The following PIEZO2 variants were observed in gnomAD, a reference collection of about 807,000 sequenced individuals.
The protein encoded by PIEZO2 is piezo type mechanosensitive ion channel component 2, also known as piezo-type mechanosensitive ion channel component 2.
A neutral mutation model predicts 337.3 loss-of-function variants in PIEZO2; 172 were observed. That is an observed-to-expected ratio of 0.51 (90% confidence interval 0.45 to 0.58). The LOEUF (loss-of-function observed/expected upper bound fraction) is 0.58, where lower values mean the gene tolerates loss of function less well. PIEZO2 is among the 20% of genes least tolerant of loss of function. The pLI, the probability that PIEZO2 is intolerant of heterozygous loss-of-function variation, is 0.00. For synonymous variants in PIEZO2, 1,251 were observed against 1,228.5 expected, an observed-to-expected ratio of 1.02 and a Z score of -0.38; for missense variants, 3,028 against 3,391.3, an observed-to-expected ratio of 0.89 and a Z score of 2.66.
chr18:10,858,321 CAAAAAAAAA>C (rs11361243), intron 5 of PIEZO2, among the ~76,000 whole-genome samples: 106 of 56,376 alleles, frequency 1.9e-3, no homozygotes, highest in Middle Eastern at 0.029. Flanking sequence ...GACTTCAACC[CAAAAAAAAA>C]AAAAAAAAAA....
chr18:10,697,690 T>A, intron 45 of PIEZO2, 58 bp downstream of exon 45: 1 of 1,577,070 alleles, frequency 6.3e-7, no homozygotes, highest in Non-Finnish European at 8.6e-7. Flanking sequence ...TTATAGGAAA[T>A]AATAAAGCCC....
At chr18:10,966,603 T>A (rs1327788242) in intron 3 of PIEZO2, among the ~76,000 whole-genome samples, 2 of 152,138 alleles carry the variant, frequency 1.3e-5, no homozygotes, top group Non-Finnish European at 2.9e-5. Flanking sequence ...TAGCTGTTAT[T>A]TTTTTAATTT....
chr18:10,762,907 A>G lies in PIEZO2; in HGVS notation c.3123+15T>C, dbSNP rs1245658786. 1 of 1,534,844 alleles carries G rather than the reference A, an allele frequency of 6.5e-7. No homozygotes were observed. Among genetic ancestry groups the G allele is most frequent in the Non-Finnish European group, 8.7e-7 (1 of 1,145,534 alleles). Reference sequence around the variant, plus strand: ...AAAGGGCAGTCAGGAATATTCCCCCATCACCGAGGCTCACCAAGGAACAGT... The same window carrying G: ...AAAGGGCAGTCAGGAATATTCCCCCGTCACCGAGGCTCACCAAGGAACAGT... On this transcript the variant is annotated intron_variant, in intron 22 of 55. Transcript: ENST00000674853.
rs772634724 is a variant in PIEZO2 at position 10,707,259 on chromosome 18, T to A, written c.5588+1016A>T. Among the ~76,000 whole-genome samples the A allele has an allele frequency of 6.6e-6, 1 of 152,188 alleles. No individual in the cohort carries two copies. Among genetic ancestry groups the A allele is most frequent in the African/African-American group, 2.4e-5 (1 of 41,448 alleles). On this transcript the variant is annotated intron_variant, in intron 40 of 55. Coordinates refer to ENST00000674853, the MANE Select transcript of PIEZO2 (RefSeq NM_001378183.1). The surrounding 1 kb of genome is among the most constrained non-coding windows in gnomAD (Gnocchi z 4.2). ...GGTCTCATGGCCAGTAAGACTGTCATCAGTCCTAATCATGCTCCCTTTGGT... is the reference window on the plus strand; with the variant it reads ...GGTCTCATGGCCAGTAAGACTGTCAACAGTCCTAATCATGCTCCCTTTGGT...
chr18:10,791,837 C>G (rs906029683), intron 13 of PIEZO2, among the ~76,000 whole-genome samples: 1 of 152,124 alleles, frequency 6.6e-6, no homozygotes, highest in Non-Finnish European at 1.5e-5. Context: ...GTTCTAAGTG[C>G]CCATGCTTTC....
chr18:11,040,278 TG>T (rs1344661405), intron 2 of PIEZO2, among the ~76,000 whole-genome samples: 1 of 152,242 alleles, frequency 6.6e-6, no homozygotes, highest in Admixed American at 6.5e-5. Context: ...CCTTTAGCAC[TG>T]TTTCTAAATA....
intron 35 of PIEZO2, among the ~76,000 whole-genome samples, 157 bp from the exon 36 acceptor site, chr18:10,731,678 T>TA (rs397858073): frequency 6.7e-6 from 1 of 150,362 alleles, no homozygotes; most frequent in Non-Finnish European, 1.5e-5. Context: ...TTTTTTTTTT[T>TA]AGAAAAAGAC....
intron 2 of PIEZO2, among the ~76,000 whole-genome samples, chr18:11,024,731 C>T (rs2145731101): frequency 6.6e-6 from 1 of 151,948 alleles, no homozygotes; most frequent in South Asian, 2.1e-4. Context: ...ACCTTCGTCT[C>T]CTGGATTCAA....
rs2033829994 is a variant in PIEZO2, at chr18:10,962,620, CCT to C, written c.286+16913_286+16914del. Among the ~76,000 whole-genome samples, 2 of 152,156 alleles carry C rather than the reference CCT, an allele frequency of 1.3e-5. No homozygotes were observed. Among genetic ancestry groups the C allele is most frequent in the South Asian group, 4.1e-4 (2 of 4,826 alleles). On this transcript the variant is annotated intron_variant, in intron 3 of 55. Coordinates refer to ENST00000674853, the MANE Select transcript of PIEZO2 (RefSeq NM_001378183.1). This position sits in a 1 kb window ranked among gnomAD's most constrained non-coding sequence, Gnocchi z 4.1. ...CCTCATTCAGCTGTGCTACATTGCC[CCT>C]CTTTCTTTGACTTTTCCTCTTACCA...
chr18:11,039,946 A>G (rs893374619), intron 2 of PIEZO2, among the ~76,000 whole-genome samples: 2 of 152,152 alleles, frequency 1.3e-5, no homozygotes, highest in African/African-American at 2.4e-5. Context: ...GTATAGACAC[A>G]CAGACTCTGC....
chr18:10,814,459 A>G (rs538730100), intron 7 of PIEZO2, among the ~76,000 whole-genome samples: 35 of 152,296 alleles, frequency 2.3e-4, no homozygotes, highest in Admixed American at 1.9e-3. Flanking sequence ...CACATCCTTT[A>G]ATTGAAATGA....
intron 2 of PIEZO2, among the ~76,000 whole-genome samples, chr18:10,995,763 C>T (rs2145580248): frequency 6.6e-6 from 1 of 152,286 alleles, no homozygotes; most frequent in East Asian, 1.9e-4. Flanking sequence ...CACCCCTGCC[C>T]TCCAGGGCTG....
At chr18:10,694,012 C>A (rs1357162189) in intron 47 of PIEZO2, among the ~76,000 whole-genome samples, 1 of 152,142 alleles carries the variant, frequency 6.6e-6, no homozygotes, top group Non-Finnish European at 1.5e-5. Flanking sequence ...TATATTTAAT[C>A]TCCCAATATA....
rs998143395 is a variant in PIEZO2 at position 11,126,491 on chromosome 18, T to C, written c.64+22034A>G. 6.6e-6 allele frequency among the ~76,000 whole-genome samples: 1 copy of C among 152,058 alleles called. No homozygotes were observed. Among genetic ancestry groups the C allele is most frequent in the Non-Finnish European group, 1.5e-5 (1 of 68,014 alleles). ...CTTTAGTGCCAGTTTCTTGGTCATC[T>C]CCCGCCATCATTCAAAATACTCCAA... On this transcript the variant is annotated intron_variant, in intron 1 of 55. Transcript: ENST00000674853. This position sits in a 1 kb window ranked among gnomAD's most constrained non-coding sequence, Gnocchi z 4.6.
At chr18:10,791,836 G>A (rs1227697930) in intron 13 of PIEZO2, among the ~76,000 whole-genome samples, 1 of 152,164 alleles carries the variant, frequency 6.6e-6, no homozygotes, top group Non-Finnish European at 1.5e-5. Context: ...AGTTCTAAGT[G>A]CCCATGCTTT....
chr18:10,841,462 T>C (rs1432327416), intron 7 of PIEZO2, among the ~76,000 whole-genome samples: 4 of 152,160 alleles, frequency 2.6e-5, no homozygotes, highest in Non-Finnish European at 5.9e-5. Flanking sequence ...TGACTCATCA[T>C]GTACAAGAGA....
intron 3 of PIEZO2, among the ~76,000 whole-genome samples, chr18:10,964,686 C>G (rs142752664): frequency 3.2e-4 from 48 of 152,298 alleles, no homozygotes; most frequent in Non-Finnish European, 5.1e-4. Context: ...CATGCAACTA[C>G]CACCCTACTA....
At chr18:10,946,622 C>A (rs1377268052) in intron 3 of PIEZO2, among the ~76,000 whole-genome samples, 1 of 152,190 alleles carries the variant, frequency 6.6e-6, no homozygotes, top group Non-Finnish European at 1.5e-5. Context: ...CACCCATCTG[C>A]AATGAGGCAG....
At chr18:10,932,821 G>C (rs1248218268) in intron 3 of PIEZO2, among the ~76,000 whole-genome samples, 1 of 152,110 alleles carries the variant, frequency 6.6e-6, no homozygotes, top group Non-Finnish European at 1.5e-5. Context: ...CCACTCTGGA[G>C]GCTGAGGCAG....
Sources: allele counts gnomAD v4.1 joint callset (sites outside exome capture counted in the v4.1 genomes callset), GRCh38; gene constraint gnomAD v4.1.1; non-coding constraint Gnocchi (gnomAD v3.1); transcripts MANE v1.5; gene names NCBI Gene and HGNC (gene_info 2026-07-23, HGNC 2026-07-21).